MTMR2: variants seen among roughly 807,000 people sequenced by gnomAD.
MTMR2 encodes the protein myotubularin related protein 2.
In MTMR2, 55 loss-of-function variants were observed where a neutral mutation model predicts 86.9. That is an observed-to-expected ratio of 0.63 (90% confidence interval 0.51 to 0.79). The LOEUF (loss-of-function observed/expected upper bound fraction) is 0.79, where lower values mean the gene tolerates loss of function less well. Among genes scored for constraint, MTMR2 ranks in the 30% least tolerant of loss-of-function variants. The probability of loss-of-function intolerance (pLI) is 0.00; values close to 1 mark genes in which losing one functional copy is unlikely to be tolerated. For synonymous variants in MTMR2, 241 were observed against 266.8 expected (o/e 0.90, Z 0.94); for missense variants, 659 against 772.3 (o/e 0.85, Z 1.74).
intron 2 of MTMR2, among the ~76,000 whole-genome samples, chr11:95,880,242 T>C (rs1865275314): frequency 1.3e-5 from 2 of 152,064 alleles, no homozygotes; most frequent in Non-Finnish European, 2.9e-5. Context: ...ATTACTCGTG[T>C]GTTTTAGGAG....
chr11:95,835,543 A>T, intron 14 of MTMR2, 92 bp from the exon 15 acceptor site: 1 of 1,348,312 alleles, frequency 7.4e-7, no homozygotes, highest in Non-Finnish European at 1.1e-6. Flanking sequence ...ATGTTTTTTC[A>T]GCTGTTGGAA....
intron 14 of MTMR2, 56 bp downstream of exon 14, chr11:95,836,092 A>T: frequency 6.7e-7 from 1 of 1,498,376 alleles, no homozygotes; most frequent in Non-Finnish European, 9.3e-7. Context: ...GCTTTTAAGG[A>T]GACAAAGTTG....
chr11:95,923,942 A>G lies in MTMR2; in HGVS notation c.13T>C (p.Ser5Pro). 6.4e-7 allele frequency: 1 copy of G among 1,560,590 alleles called. No homozygotes were observed. Among genetic ancestry groups the G allele is most frequent in the Non-Finnish European group, 8.7e-7 (1 of 1,151,936 alleles). MEKS[S>P]SCESLGSQPA... ...TGGGAGCCAAGACTCTCGCAGCTCG[A>G]GCTCTTCTCCATCGCGCGGCAGGGG... is the stretch of plus-strand genomic sequence containing the variant. Residue 5 changes from serine to proline, a missense_variant, in exon 1 of 15, where the codon TCG becomes CCG. Ser to Pro is a moderately conservative substitution (Grantham distance 74). This residue lies in a region of MTMR2 where 79 missense variants were observed against 54.4 expected (regional missense o/e 1.45). Transcript: ENST00000346299.
intron 2 of MTMR2, among the ~76,000 whole-genome samples, chr11:95,872,747 G>C (rs1292881753): frequency 6.6e-6 from 1 of 152,030 alleles, no homozygotes; most frequent in Non-Finnish European, 1.5e-5. Flanking sequence ...ACTGGCTGTG[G>C]GTTTGTCATA....
intron 2 of MTMR2, among the ~76,000 whole-genome samples, chr11:95,878,945 A>T (rs913893637): frequency 1.3e-5 from 2 of 152,264 alleles, no homozygotes; most frequent in South Asian, 4.1e-4. Flanking sequence ...AGTGCTCTTA[A>T]CACCCTTGAA....
intron 2 of MTMR2, among the ~76,000 whole-genome samples, chr11:95,880,495 A>C (rs561281382): frequency 3.9e-5 from 6 of 152,076 alleles, no homozygotes; most frequent in Non-Finnish European, 8.8e-5. Flanking sequence ...AAGAAGAATG[A>C]GCATTTGTAG....
intron 8 of MTMR2, among the ~76,000 whole-genome samples, chr11:95,850,344 TACAC>T (rs1173939682): frequency 1.3e-5 from 2 of 152,232 alleles, no homozygotes; most frequent in South Asian, 2.1e-4. Flanking sequence ...TAGTGACTAA[TACAC>T]ACAGCAAACT....
chr11:95,836,363 T>TA (rs1372007914), intron 13 of MTMR2, 39 bp from the exon 14 acceptor site: 1 of 1,554,284 alleles, frequency 6.4e-7, no homozygotes, highest in Non-Finnish European at 8.9e-7. Flanking sequence ...CTCCACCACA[T>TA]AAGCCATTTA....
intron 2 of MTMR2, among the ~76,000 whole-genome samples, 187 bp downstream of exon 2, chr11:95,887,969 T>TTA (rs1327550646): frequency 6.6e-6 from 1 of 152,202 alleles, no homozygotes; most frequent in Non-Finnish European, 1.5e-5. Flanking sequence ...CAGAGATGAA[T>TTA]TACACATTTT....
At chr11:95,851,018 C>T (rs1863996378) in intron 7 of MTMR2, among the ~76,000 whole-genome samples, 1 of 136,822 alleles carries the variant, frequency 7.3e-6, no homozygotes, top group Non-Finnish European at 1.7e-5. Flanking sequence ...TAAGCATATT[C>T]AGGAGGTGGA....
At chr11:95,876,238 T>C (rs887447677) in intron 2 of MTMR2, among the ~76,000 whole-genome samples, 15 of 152,184 alleles carry the variant, frequency 9.9e-5, no homozygotes, top group African/African-American at 3.4e-4. Flanking sequence ...TGAGCTGCGG[T>C]GGGCTCCACC....
chr11:95,873,051 C>T (rs1280619671), intron 2 of MTMR2, among the ~76,000 whole-genome samples: 1 of 152,180 alleles, frequency 6.6e-6, no homozygotes, highest in Non-Finnish European at 1.5e-5. Flanking sequence ...CATCAATGTT[C>T]ATCAGGAATA....
chr11:95,838,263 C>G (rs183407455), intron 12 of MTMR2, 56 bp from the exon 13 acceptor site: 1 of 931,726 alleles, frequency 1.1e-6, no homozygotes, highest in Non-Finnish European at 1.8e-6. Context: ...GCATATTCAT[C>G]CCTGTCATGG....
chr11:95,904,312 C>G (rs1385453512), intron 1 of MTMR2, among the ~76,000 whole-genome samples: 2 of 152,158 alleles, frequency 1.3e-5, no homozygotes, highest in Non-Finnish European at 2.9e-5. Flanking sequence ...CTTAATCCCT[C>G]CAAATAGTGC....
chr11:95,841,176 T>C (rs180950447), intron 12 of MTMR2, among the ~76,000 whole-genome samples: 2 of 152,276 alleles, frequency 1.3e-5, no homozygotes, highest in African/African-American at 4.8e-5. Context: ...TCCCTTGTTA[T>C]GCTTTCTATA....
intron 1 of MTMR2, among the ~76,000 whole-genome samples, chr11:95,892,119 A>G (rs1865735418): frequency 6.6e-6 from 1 of 151,942 alleles, no homozygotes; most frequent in African/African-American, 2.4e-5. Flanking sequence ...GCTAATTTCC[A>G]CTGCTTTTTT....
chr11:95,836,413 T>C, intron 13 of MTMR2, 89 bp from the exon 14 acceptor site: 1 of 1,250,698 alleles, frequency 8.0e-7, no homozygotes, highest in Non-Finnish European at 1.2e-6. Context: ...TTTGTTGTCA[T>C]TAAAATCTCT....
At chr11:95,865,781 C>CACATACACTAT in intron 2 of MTMR2, 105 bp from the exon 3 acceptor site, 1 of 854,538 alleles carries the variant, frequency 1.2e-6, no homozygotes, top group Middle Eastern at 2.6e-4. Context: ...AACATCATAT[C>CACATACACTAT]ACATACACTA....
At chr11:95,879,241 G>C (rs1002985192) in intron 2 of MTMR2, among the ~76,000 whole-genome samples, 1 of 152,202 alleles carries the variant, frequency 6.6e-6, no homozygotes, top group African/African-American at 2.4e-5. Context: ...GGAAGAAAGA[G>C]AGTGGGGAAA....
Sources: allele counts gnomAD v4.1 joint callset (sites outside exome capture counted in the v4.1 genomes callset), GRCh38; gene constraint gnomAD v4.1.1; regional missense constraint gnomAD v4.1.1; transcripts MANE v1.5; gene names NCBI Gene and HGNC (gene_info 2026-07-23, HGNC 2026-07-21).